Variants in MARS1 observed in about 807,000 individuals in gnomAD.
MARS1 encodes methionine--tRNA ligase, cytoplasmic.
MARS1 carries 80 observed loss-of-function variants against 119.5 expected under a neutral mutation model. The ratio of observed to expected loss-of-function variants is 0.67; its 90% CI spans 0.56 to 0.81. The LOEUF is 0.81. Among genes scored for constraint, MARS1 ranks in the 30% least tolerant of loss-of-function variants. The pLI, the probability that MARS1 is intolerant of heterozygous loss-of-function variation, is 0.00. For missense variants in MARS1, 945 were observed against 1,116.5 expected (o/e 0.85, Z 2.19); for synonymous variants, 418 against 433.4 (o/e 0.96, Z 0.44).
At chr12:57,490,759 C>T (rs1390558004) in intron 7 of MARS1, 115 bp downstream of exon 7, 12 of 578,296 alleles carry the variant, frequency 2.1e-5, no homozygotes, top group South Asian at 2.1e-4. Context: ...TTTTCATCCT[C>T]TCCTTTTAAT....
At chr12:57,491,381 G>C (rs941528314) in intron 7 of MARS1, among the ~76,000 whole-genome samples, 4 of 151,968 alleles carry the variant, frequency 2.6e-5, no homozygotes, top group Admixed American at 6.6e-5. Flanking sequence ...TGCCTTTGTT[G>C]AACAGCCTCC....
At chr12:57,492,538 G>C (rs1876027805) in intron 7 of MARS1, among the ~76,000 whole-genome samples, 1 of 151,824 alleles carries the variant, frequency 6.6e-6, no homozygotes, top group South Asian at 2.1e-4. Context: ...GGGCACGGTG[G>C]CTCGTGCCTG....
At chr12:57,513,614 CAAAAAA>C (rs34526594) in intron 15 of MARS1, among the ~76,000 whole-genome samples, 5 of 74,414 alleles carry the variant, frequency 6.7e-5, no homozygotes, top group Non-Finnish European at 1.3e-4. Context: ...GATCCTGTCT[CAAAAAA>C]AAAAAAAAAA....
In MARS1 at chr12:57,493,779, ATATT is replaced by A. The variant is rs1292701522; in HGVS notation, c.770+3136_770+3139del. Among the ~76,000 whole-genome samples, 5 of 628 alleles carry A rather than the reference ATATT, an allele frequency of 8.0e-3. 1 individual carries two copies. Among genetic ancestry groups the A allele is most frequent in the East Asian group, 0.5 (1 of 2 alleles). 0.4% of individuals were successfully genotyped at this position (628 alleles called of 152,430 possible). A position where few individuals can be genotyped will look rare whatever the true frequency, so the allele number is the denominator to read the frequency against. ...ATATTATATATATTATATATAATAT[ATATT>A]ATATATTATATATTATATTATATAA... On this transcript the variant is annotated intron_variant, in intron 7 of 20. Transcript: ENST00000262027.
At chr12:57,505,430 G>C (rs551797172) in intron 11 of MARS1, among the ~76,000 whole-genome samples, 8 of 152,180 alleles carry the variant, frequency 5.3e-5, no homozygotes, top group Admixed American at 3.3e-4. Flanking sequence ...CCAGTGTGCA[G>C]GGATTACAGG....
chr12:57,516,017 C>T (rs776183639), intron 19 of MARS1, 26 bp downstream of exon 19: 17 of 1,606,930 alleles, frequency 1.1e-5, no homozygotes, highest in East Asian at 2.2e-5. Context: ...GCTGTGCCCT[C>T]GCTCCACAAC....
chr12:57,515,589 CCTAGTCTCCATAATG>C, intron 18 of MARS1: 1 of 579,252 alleles, frequency 1.7e-6, no homozygotes, highest in African/African-American at 1.9e-5. Flanking sequence ...ACTGTGATCA[CCTAGTCTCCATAATG>C]CTAGCAGATA....
chr12:57,498,985 T>A (rs1876779199), intron 9 of MARS1, among the ~76,000 whole-genome samples: 3 of 152,116 alleles, frequency 2.0e-5, no homozygotes, highest in South Asian at 4.2e-4. Flanking sequence ...ATACTCATCC[T>A]TATAAAAACT....
intron 7 of MARS1, among the ~76,000 whole-genome samples, 172 bp downstream of exon 7, chr12:57,490,816 A>T (rs1200560809): frequency 3.8e-4 from 24 of 62,864 alleles, no homozygotes; most frequent in African/African-American, 5.1e-4. Flanking sequence ...ATTTTCTCTT[A>T]GCCTATCATT....
chr12:57,488,462 T>C, intron 1 of MARS1: 1 of 1,125,946 alleles, frequency 8.9e-7, no homozygotes, highest in Admixed American at 2.2e-5. Context: ...CCCAGTAAAC[T>C]GCTCTTCCCT....
rs778876876 is a variant in MARS1, at chr12:57,515,205, G to C, written c.2260G>C (p.Val754Leu). 5 of 1,614,186 alleles carry C rather than the reference G, an allele frequency of 3.1e-6. No individual in the cohort carries two copies. In the South Asian group the frequency reaches 5.5e-5, roughly 18 times the overall value. ...LAVNIAALLSVMLQPYMPTVS... is the reference protein window; with the variant it reads ...LAVNIAALLSLMLQPYMPTVS... ...AGTGAATATAGCTGCCTTGCTCTCT[G>C]TCATGCTTCAGCCTTACATGCCCAC... is the stretch of plus-strand genomic sequence containing the variant. Residue 754 changes from valine (V) to leucine (L), a missense_variant, in exon 18 of 21, where the codon GTC becomes CTC. Coordinates refer to ENST00000262027, the MANE Select transcript of MARS1 (RefSeq NM_004990.4).
intron 7 of MARS1, among the ~76,000 whole-genome samples, chr12:57,493,273 G>C (rs1407419869): frequency 8.6e-6 from 1 of 116,532 alleles, no homozygotes; most frequent in Non-Finnish European, 1.7e-5. Context: ...GTCCATCCTT[G>C]TTGTTTTGCT....
At position 57,512,597 on chromosome 12, in the gene MARS1, C is replaced by A. The variant is rs187626968; in HGVS notation, c.1754-154C>A. The A allele has an allele frequency of 5.5e-4, 371 of 673,002 alleles. 1 individual carries two copies. The African/African-American group carries it at 6.2e-3, about 11-fold the overall frequency. 41.7% of individuals were successfully genotyped at this position (673,002 alleles called of 1,614,324 possible). On this transcript the variant is annotated intron_variant, in intron 14 of 20. Coordinates refer to ENST00000262027, the MANE Select transcript of MARS1 (RefSeq NM_004990.4). ...AAGGGCCAGAATGGATAGGAAGGGA[C>A]TCCCAAAATCTGAGCATACCAGCCC...
intron 9 of MARS1, among the ~76,000 whole-genome samples, chr12:57,499,600 T>C (rs1329483544): frequency 5.9e-5 from 5 of 85,296 alleles, no homozygotes; most frequent in Admixed American, 2.7e-4. Flanking sequence ...TGAGACTGTC[T>C]CAAAAAAAAA....
chr12:57,511,128 A>G (rs1248195327), intron 11 of MARS1, among the ~76,000 whole-genome samples: 7 of 124,090 alleles, frequency 5.6e-5, no homozygotes, highest in African/African-American at 2.0e-4. Flanking sequence ...GAAGTGTTCC[A>G]TATTTTTAAA....
chr12:57,489,578 G>A lies in MARS1; in HGVS notation c.414+20G>A. The A allele has an allele frequency of 6.2e-7, 1 of 1,613,924 alleles. No homozygotes were observed. The highest frequency in any genetic ancestry group is 8.5e-7 in the Non-Finnish European group (1 of 1,179,998). ...GCTGGGGTGAGTTGGGTCTTGAGAT[G>A]AGGACTGGGGAAGGCTTATGGTGTA... On this transcript the variant is annotated intron_variant, in intron 4 of 20. Coordinates refer to ENST00000262027, the MANE Select transcript of MARS1 (RefSeq NM_004990.4).
At chr12:57,516,115 GT>G in intron 19 of MARS1, 124 bp downstream of exon 19, 2 of 1,375,166 alleles carry the variant, frequency 1.5e-6, no homozygotes, top group Non-Finnish European at 2.1e-6. Context: ...CTCACTTACA[GT>G]TTTTCTTTCC....
At chr12:57,516,176 G>C (rs777627407) in intron 19 of MARS1, 69 bp from the exon 20 acceptor site, 1 of 1,467,312 alleles carries the variant, frequency 6.8e-7, no homozygotes, top group South Asian at 1.1e-5. Flanking sequence ...CTTTCCCTCT[G>C]AGATGCTGTA....
chr12:57,515,197 TG>T lies in MARS1; in HGVS notation c.2253del (p.Leu751PhefsTer32). 6.2e-7 allele frequency: 1 copy of T among 1,614,238 alleles called. No individual in the cohort carries two copies. ...VTGLAVNIAA[L>X]LSVMLQPYMP... ...GGCTTGGCAGTGAATATAGCTGCCT[TG>T]CTCTCTGTCATGCTTCAGCCTTACA... is the stretch of plus-strand genomic sequence containing the variant. On this transcript the variant is annotated frameshift_variant, in exon 18 of 21. Transcript: ENST00000262027. LOFTEE classifies it high-confidence loss of function.
Sources: allele counts gnomAD v4.1 joint callset (sites outside exome capture counted in the v4.1 genomes callset), GRCh38; gene constraint gnomAD v4.1.1; transcripts MANE v1.5; gene names NCBI Gene and HGNC (gene_info 2026-07-23, HGNC 2026-07-21).